Variants in POTEE observed in about 807,000 individuals in gnomAD.
POTEE encodes the protein POTE ankyrin domain family member E.
In POTEE, 21 loss-of-function variants were observed where a neutral mutation model predicts 74.2. The ratio of observed to expected loss-of-function variants is 0.28; its 90% CI spans 0.20 to 0.41. The LOEUF (loss-of-function observed/expected upper bound fraction) is 0.41, where lower values mean the gene tolerates loss of function less well. Ranked by LOEUF, POTEE falls within the 10% of genes least tolerant of loss-of-function variation. The pLI is 1.00. For synonymous variants in POTEE, 211 were observed against 432.8 expected (o/e 0.49, Z 6.36); for missense variants, 525 against 1,158.6 (o/e 0.45, Z 7.94).
chr2:131,224,249 A>G (rs1700716625), intron 6 of POTEE, among the ~76,000 whole-genome samples: 2 of 150,670 alleles, frequency 1.3e-5, no homozygotes, highest in South Asian at 4.2e-4. Context: ...TTTTTAATGC[A>G]CTTGTGGTAA....
intron 6 of POTEE, among the ~76,000 whole-genome samples, chr2:131,226,037 G>T (rs1573707454): frequency 6.6e-6 from 1 of 152,260 alleles, no homozygotes; most frequent in East Asian, 1.9e-4. Flanking sequence ...AAGTGCTTAG[G>T]TCAGTAAGTC....
intron 4 of POTEE, among the ~76,000 whole-genome samples, chr2:131,222,742 T>C (rs914769089): frequency 2.0e-5 from 3 of 152,230 alleles, no homozygotes; most frequent in Non-Finnish European, 4.4e-5. Flanking sequence ...CCAGGTTTTC[T>C]TTGGCTTAAA....
chr2:131,219,895 A>T (rs1354227868), intron 4 of POTEE, among the ~76,000 whole-genome samples: 2 of 152,156 alleles, frequency 1.3e-5, no homozygotes, highest in East Asian at 3.8e-4. Flanking sequence ...CTGCTTTTCC[A>T]GATATCAAAA....
At chr2:131,211,241 T>C (rs1209284465) in intron 2 of POTEE, among the ~76,000 whole-genome samples, 58 bp downstream of exon 2, 2 of 151,870 alleles carry the variant, frequency 1.3e-5, no homozygotes, top group Non-Finnish European at 2.9e-5. Flanking sequence ...GGCTGCTGCA[T>C]TGACGGCGAC....
intron 14 of POTEE, among the ~76,000 whole-genome samples, chr2:131,251,271 A>AG (rs1701459853): frequency 2.9e-5 from 1 of 34,006 alleles, no homozygotes; most frequent in Non-Finnish European, 8.7e-5. Flanking sequence ...GTGAAAAAAA[A>AG]AAAAAAAAAT....
chr2:131,263,879 C>G lies in POTEE; in HGVS notation c.2424C>G (p.Ala808=), dbSNP rs1237268062. 12 of 1,614,016 alleles carry G rather than the reference C, an allele frequency of 7.4e-6. No homozygotes were observed. Among genetic ancestry groups the G allele is most frequent in the Admixed American group, 1.7e-5 (1 of 60,006 alleles). Residue 808 remains alanine (A), a synonymous_variant, in exon 18 of 18, where the codon GCC becomes GCG. Coordinates refer to ENST00000683005, the MANE Select transcript of POTEE (RefSeq NM_001083538.3). ...AGCACCCCATCCTGCTGACCGAGGC[C>G]CCCCTGAACCCCAAGGCCAACCGCG... ...PEEHPILLTE[A]PLNPKANREK... is the part of the protein sequence containing the mutation.
intron 4 of POTEE, among the ~76,000 whole-genome samples, chr2:131,220,125 A>G (rs995296869): frequency 2.6e-5 from 4 of 152,152 alleles, no homozygotes; most frequent in African/African-American, 9.7e-5. Flanking sequence ...AGTATAGATT[A>G]AAAATTTTAA....
At chr2:131,258,363 C>T (rs865803452) in intron 16 of POTEE, among the ~76,000 whole-genome samples, 2,567 of 93,444 alleles carry the variant, frequency 0.027, 3 homozygotes, top group African/African-American at 0.095. Context: ...CAGAAGTGTT[C>T]TCTGTATAAT....
intron 6 of POTEE, among the ~76,000 whole-genome samples, chr2:131,226,102 G>T: frequency 6.6e-6 from 1 of 152,040 alleles, no homozygotes. Context: ...ACCACTTTTT[G>T]TCAATTGACG....
chr2:131,229,093 A>G (rs1203571763), intron 8 of POTEE, among the ~76,000 whole-genome samples: 1 of 151,196 alleles, frequency 6.6e-6, no homozygotes, highest in Non-Finnish European at 1.5e-5. Flanking sequence ...TCCGCACACA[A>G]AGTGACCAAA....
At chr2:131,220,853 C>G (rs1305205550) in intron 4 of POTEE, among the ~76,000 whole-genome samples, 2 of 149,692 alleles carry the variant, frequency 1.3e-5, no homozygotes, top group Non-Finnish European at 2.9e-5. Flanking sequence ...CCCAGCTACT[C>G]AGGAGGCTGA....
At chr2:131,237,213 T>C (rs1264036748) in intron 10 of POTEE, among the ~76,000 whole-genome samples, 1 of 149,570 alleles carries the variant, frequency 6.7e-6, no homozygotes, top group African/African-American at 2.4e-5. Context: ...TATTGGATTA[T>C]GTTATTAAGC....
chr2:131,228,940 A>T (rs1190502478), intron 8 of POTEE, among the ~76,000 whole-genome samples: 3 of 145,792 alleles, frequency 2.1e-5, no homozygotes, highest in Non-Finnish European at 4.4e-5. Context: ...AAGATGAATC[A>T]GTAGATTCAG....
At chr2:131,256,998 ACAT>A (rs1374106319) in intron 16 of POTEE, among the ~76,000 whole-genome samples, 2 of 150,602 alleles carry the variant, frequency 1.3e-5, no homozygotes, top group East Asian at 2.0e-4. Flanking sequence ...AACTCTGTTA[ACAT>A]CATCATTTTT....
intron 9 of POTEE, among the ~76,000 whole-genome samples, chr2:131,232,661 G>T (rs1313694614): frequency 1.3e-5 from 2 of 149,982 alleles, no homozygotes; most frequent in African/African-American, 2.5e-5. Flanking sequence ...GCTTTGGACT[G>T]CAAATACTAG....
chr2:131,263,881 C>A lies in POTEE; in HGVS notation c.2426C>A (p.Pro809His). ...EEHPILLTEAPLNPKANREKM... is the reference protein window; with the variant it reads ...EEHPILLTEAHLNPKANREKM... ...CACCCCATCCTGCTGACCGAGGCCC[C>A]CCTGAACCCCAAGGCCAACCGCGAG... Residue 809 changes from proline (P) to histidine (H), a missense_variant, in exon 18 of 18, where the codon CCC (proline) becomes CAC (histidine). Pro to His is a moderately conservative substitution (Grantham distance 77). Transcript: ENST00000683005. The A allele has an allele frequency of 6.2e-7, 1 of 1,614,174 alleles. No individual in the cohort carries two copies. The highest frequency in any genetic ancestry group is 8.5e-7 in the Non-Finnish European group (1 of 1,180,030).
intron 2 of POTEE, among the ~76,000 whole-genome samples, chr2:131,214,627 C>G (rs532615299): frequency 2.0e-3 from 309 of 152,158 alleles, no homozygotes; most frequent in African/African-American, 7.2e-3. Context: ...AAAATAGAAG[C>G]TCTAATGCCT....
chr2:131,216,896 T>G (rs1700454245), intron 2 of POTEE, among the ~76,000 whole-genome samples: 1 of 151,776 alleles, frequency 6.6e-6, no homozygotes, highest in Non-Finnish European at 1.5e-5. Flanking sequence ...GATGGATGAT[T>G]GCCTAGGGCT....
At chr2:131,228,724 T>C (rs1224199156) in intron 8 of POTEE, among the ~76,000 whole-genome samples, 1 of 147,322 alleles carries the variant, frequency 6.8e-6, no homozygotes, top group East Asian at 1.9e-4. Context: ...ATGTCTAGTT[T>C]AGCGGAAAGT....
Sources: allele counts gnomAD v4.1 joint callset (sites outside exome capture counted in the v4.1 genomes callset), GRCh38; gene constraint gnomAD v4.1.1; transcripts MANE v1.5; gene names NCBI Gene and HGNC (gene_info 2026-07-23, HGNC 2026-07-21).